Variants in CNTNAP5 observed in about 807,000 individuals in gnomAD.
CNTNAP5 encodes the protein contactin associated protein family member 5.
Under a neutral mutation model 150.2 loss-of-function variants are expected in CNTNAP5, and 72 were observed. The observed-to-expected ratio is 0.48, with a 90% confidence interval of 0.40 to 0.58. The LOEUF (loss-of-function observed/expected upper bound fraction) is 0.58. Ranked by LOEUF, CNTNAP5 falls within the 20% of genes least tolerant of loss-of-function variation. The pLI, the probability that CNTNAP5 is intolerant of heterozygous loss-of-function variation, is 0.00. For synonymous variants in CNTNAP5, 672 were observed against 619.8 expected (o/e 1.08, Z -1.25); for missense variants, 1,636 against 1,626.2 (o/e 1.01, Z -0.10).
chr2:124,075,654 A>T (rs73954518), intron 1 of CNTNAP5, among the ~76,000 whole-genome samples: 2,110 of 152,098 alleles, frequency 0.014, 56 homozygotes, highest in African/African-American at 0.049. Context: ...AATTTTTGTA[A>T]ATGTCACATC....
chr2:124,169,013 T>A (rs1335647626), intron 1 of CNTNAP5, among the ~76,000 whole-genome samples: 1 of 152,194 alleles, frequency 6.6e-6, no homozygotes, highest in Non-Finnish European at 1.5e-5. Context: ...TGAATCACGA[T>A]GCCCACTTAG....
chr2:124,044,797 A>ATCCT (rs138983642), intron 1 of CNTNAP5, among the ~76,000 whole-genome samples: 2,925 of 152,048 alleles, frequency 0.019, 40 homozygotes, highest in Middle Eastern at 0.031. Context: ...GAGGACACAT[A>ATCCT]TCCTTCAGGT....
intron 6 of CNTNAP5, among the ~76,000 whole-genome samples, chr2:124,462,825 C>T (rs1423352575): frequency 1.3e-5 from 2 of 152,202 alleles, no homozygotes; most frequent in Admixed American, 6.5e-5. Flanking sequence ...TGCTCTACTC[C>T]CCTCCCTTGA....
intron 1 of CNTNAP5, among the ~76,000 whole-genome samples, chr2:124,218,238 A>G (rs1686211270): frequency 6.6e-6 from 1 of 152,086 alleles, no homozygotes; most frequent in African/African-American, 2.4e-5. Context: ...GATATAGATA[A>G]CTCCCACATG....
intron 1 of CNTNAP5, among the ~76,000 whole-genome samples, chr2:124,218,570 T>C (rs1686221638): frequency 6.6e-6 from 1 of 152,188 alleles, no homozygotes; most frequent in African/African-American, 2.4e-5. Flanking sequence ...CTTGGATCTT[T>C]CCATTAGCAT....
intron 1 of CNTNAP5, among the ~76,000 whole-genome samples, chr2:124,096,279 A>G (rs1682930895): frequency 1.3e-5 from 2 of 152,110 alleles, no homozygotes; most frequent in East Asian, 1.9e-4. Context: ...CATATTTTAT[A>G]TCTATTTTTC....
At chr2:124,264,096 G>A (rs1687536523) in intron 3 of CNTNAP5, among the ~76,000 whole-genome samples, 1 of 151,944 alleles carries the variant, frequency 6.6e-6, no homozygotes. Context: ...GCTATATGTA[G>A]GAAGAGAATG....
intron 3 of CNTNAP5, among the ~76,000 whole-genome samples, chr2:124,355,061 A>T (rs1689962633): frequency 6.6e-6 from 1 of 150,848 alleles, no homozygotes; most frequent in African/African-American, 2.4e-5. Flanking sequence ...ATTTAAAAAA[A>T]TTTTCTAATA....
At chr2:124,481,192 A>G (rs1417495123) in intron 7 of CNTNAP5, among the ~76,000 whole-genome samples, 2 of 152,196 alleles carry the variant, frequency 1.3e-5, no homozygotes, top group African/African-American at 2.4e-5. Context: ...GTAGAAAAAC[A>G]AACAAGTCCC....
At chr2:124,712,326 A>G (rs1679824669) in intron 13 of CNTNAP5, among the ~76,000 whole-genome samples, 1 of 152,192 alleles carries the variant, frequency 6.6e-6, no homozygotes, top group Non-Finnish European at 1.5e-5. Context: ...CACAACAACC[A>G]TATTTGCTAG....
intron 19 of CNTNAP5, among the ~76,000 whole-genome samples, chr2:124,841,012 A>G (rs1682934016): frequency 6.6e-6 from 1 of 152,082 alleles, no homozygotes; most frequent in Non-Finnish European, 1.5e-5. Flanking sequence ...GGTGCACATG[A>G]GATGAGATGC....
At chr2:124,662,674 T>A (rs1678616964) in intron 13 of CNTNAP5, among the ~76,000 whole-genome samples, 1 of 152,172 alleles carries the variant, frequency 6.6e-6, no homozygotes, top group East Asian at 1.9e-4. Flanking sequence ...CAAGAGAGAA[T>A]GAAGGTAAAG....
intron 14 of CNTNAP5, 100 bp downstream of exon 14, chr2:124,747,485 A>T: frequency 7.3e-7 from 1 of 1,367,582 alleles, no homozygotes; most frequent in Non-Finnish European, 1.0e-6. Flanking sequence ...AATTCAATAC[A>T]AACTGGAGCT....
chr2:124,671,622 A>G (rs1173177055), intron 13 of CNTNAP5, among the ~76,000 whole-genome samples: 1 of 151,986 alleles, frequency 6.6e-6, no homozygotes, highest in Admixed American at 6.6e-5. Flanking sequence ...TTAATCTTAG[A>G]GACTCTTATT....
chr2:124,611,211 T>G (rs972695068), intron 12 of CNTNAP5, among the ~76,000 whole-genome samples: 6 of 152,146 alleles, frequency 3.9e-5, no homozygotes, highest in Non-Finnish European at 8.8e-5. Context: ...ACAGAGGGTA[T>G]GAAAAGTAAG....
chr2:124,856,498 C>T (rs1292904161), intron 19 of CNTNAP5, among the ~76,000 whole-genome samples: 1 of 150,534 alleles, frequency 6.6e-6, no homozygotes, highest in Non-Finnish European at 1.5e-5. Context: ...ATGCCATTAT[C>T]TATTATTTTT....
chr2:124,245,974 G>A (rs184601880), intron 3 of CNTNAP5, among the ~76,000 whole-genome samples: 3 of 151,998 alleles, frequency 2.0e-5, no homozygotes, highest in African/African-American at 2.4e-5. Flanking sequence ...CCAACTCGTA[G>A]GCCCAAGTGA....
chr2:124,634,171 C>T (rs1442531384), intron 12 of CNTNAP5, among the ~76,000 whole-genome samples: 1 of 152,178 alleles, frequency 6.6e-6, no homozygotes, highest in African/African-American at 2.4e-5. Flanking sequence ...TCTTTTCTAC[C>T]ACATGGCCAG....
chr2:124,242,434 T>G (rs1278646590), intron 3 of CNTNAP5, 41 bp downstream of exon 3: 16 of 1,554,854 alleles, frequency 1.0e-5, no homozygotes, highest in Non-Finnish European at 1.4e-5. Context: ...AACTGAGATG[T>G]GCTAATGGTA....
Sources: allele counts gnomAD v4.1 joint callset (sites outside exome capture counted in the v4.1 genomes callset), GRCh38; gene constraint gnomAD v4.1.1; transcripts MANE v1.5; gene names NCBI Gene and HGNC (gene_info 2026-07-23, HGNC 2026-07-21).